CDH18: variants seen among roughly 807,000 people sequenced by gnomAD.
CDH18 encodes cadherin-18.
A neutral mutation model predicts 67.9 loss-of-function variants in CDH18; 31 were observed. That is an observed-to-expected ratio of 0.46 (90% CI 0.34 to 0.62). CDH18 has a LOEUF of 0.62. Ranked by LOEUF, CDH18 falls within the 20% of genes least tolerant of loss-of-function variation. CDH18 has a pLI of 0.01. For missense variants in CDH18, 890 were observed against 975.5 expected (o/e 0.91, Z 1.17); for synonymous variants, 362 against 347.2 (o/e 1.04, Z -0.48).
intron 2 of CDH18, among the ~76,000 whole-genome samples, chr5:20,196,750 C>A (rs865830139): frequency 4.6e-5 from 7 of 152,284 alleles, no homozygotes; most frequent in Admixed American, 1.3e-4. Flanking sequence ...TAGATAGCTA[C>A]ATTCCTATGT....
intron 6 of CDH18, among the ~76,000 whole-genome samples, chr5:19,603,682 T>C (rs1392338527): frequency 1.3e-5 from 2 of 151,382 alleles, no homozygotes; most frequent in Admixed American, 6.6e-5. Context: ...CCAAAATATA[T>C]AATTATCTTC....
intron 2 of CDH18, among the ~76,000 whole-genome samples, chr5:20,166,303 T>TGATGGC (rs751638766): frequency 6.6e-6 from 1 of 151,244 alleles, no homozygotes; most frequent in Non-Finnish European, 1.5e-5. Flanking sequence ...TAGCAGGGCT[T>TGATGGC]GATGGCGGGC....
intron 10 of CDH18, among the ~76,000 whole-genome samples, chr5:19,516,051 T>C (rs978051878): frequency 6.6e-6 from 1 of 152,186 alleles, no homozygotes; most frequent in Non-Finnish European, 1.5e-5. Context: ...GAGAGTTTTT[T>C]AGCATGAAGG....
chr5:19,753,889 A>G (rs1281427009), intron 3 of CDH18, among the ~76,000 whole-genome samples: 2 of 152,192 alleles, frequency 1.3e-5, no homozygotes, highest in Admixed American at 1.3e-4. Context: ...AGCATCATAT[A>G]TGAAAGAAAG....
intron 3 of CDH18, among the ~76,000 whole-genome samples, chr5:19,827,060 G>GA (rs2149975779): frequency 6.6e-6 from 1 of 151,764 alleles, no homozygotes; most frequent in Non-Finnish European, 1.5e-5. Context: ...ATGGCAAACA[G>GA]AAAAAAAGTG....
intron 1 of CDH18, among the ~76,000 whole-genome samples, chr5:20,404,448 C>T (rs989151835): frequency 6.6e-6 from 1 of 152,086 alleles, no homozygotes; most frequent in Non-Finnish European, 1.5e-5. Flanking sequence ...GTATGGAATT[C>T]TTCCTTTCAC....
At chr5:19,957,885 A>G (rs1796410208) in intron 2 of CDH18, among the ~76,000 whole-genome samples, 2 of 152,116 alleles carry the variant, frequency 1.3e-5, no homozygotes, top group Admixed American at 6.6e-5. Context: ...AAAATGTAAT[A>G]TGTAGATAAC....
intron 2 of CDH18, among the ~76,000 whole-genome samples, chr5:20,082,232 C>A (rs1427602431): frequency 6.6e-6 from 1 of 151,576 alleles, no homozygotes; most frequent in Admixed American, 6.6e-5. Context: ...TTATATAAGA[C>A]AATATTATTT....
intron 1 of CDH18, among the ~76,000 whole-genome samples, chr5:20,570,917 A>G (rs896534417): frequency 2.0e-5 from 3 of 152,224 alleles, no homozygotes; most frequent in Non-Finnish European, 2.9e-5. Flanking sequence ...GTAATTTTGT[A>G]GAGAAAACAA....
At chr5:19,650,083 C>T (rs1389874119) in intron 5 of CDH18, among the ~76,000 whole-genome samples, 1 of 151,820 alleles carries the variant, frequency 6.6e-6, no homozygotes, top group Non-Finnish European at 1.5e-5. Context: ...TAACAATATA[C>T]TAATATAATT....
At chr5:20,085,520 C>T (rs961023180) in intron 2 of CDH18, among the ~76,000 whole-genome samples, 3 of 152,158 alleles carry the variant, frequency 2.0e-5, no homozygotes, top group South Asian at 2.1e-4. Context: ...TTCAGCAATG[C>T]CCCGCTCTAC....
At chr5:20,228,710 G>T (rs959747287) in intron 2 of CDH18, among the ~76,000 whole-genome samples, 3 of 151,970 alleles carry the variant, frequency 2.0e-5, no homozygotes, top group African/African-American at 7.2e-5. Flanking sequence ...GAGATAATAT[G>T]GTATTTGTCT....
intron 4 of CDH18, 78 bp from the exon 5 acceptor site, chr5:19,721,544 G>A (rs1161570790): frequency 2.3e-6 from 3 of 1,324,682 alleles, no homozygotes; most frequent in Non-Finnish European, 3.2e-6. Context: ...AAATGGGTAT[G>A]CTGAAATAGC....
At chr5:20,484,156 G>T (rs950482141) in intron 1 of CDH18, among the ~76,000 whole-genome samples, 2 of 152,012 alleles carry the variant, frequency 1.3e-5, no homozygotes, top group Non-Finnish European at 2.9e-5. Flanking sequence ...ACCTACAAAT[G>T]TCCAGCAGAT....
intron 2 of CDH18, among the ~76,000 whole-genome samples, chr5:20,166,460 GAAAAGAAAAGAAAAAGAC>G (rs1736300820): frequency 7.5e-6 from 1 of 132,828 alleles, no homozygotes. Context: ...AAAAAGAAAA[GAAAAGAAAAGAAAAAGAC>G]AAAAGAAAAG....
At chr5:19,534,724 T>A (rs1012596974) in intron 9 of CDH18, among the ~76,000 whole-genome samples, 8 of 152,190 alleles carry the variant, frequency 5.3e-5, no homozygotes, top group African/African-American at 1.7e-4. Context: ...GGTATTCATA[T>A]CCTTGTATAA....
At chr5:20,508,779 T>G (rs1754821948) in intron 1 of CDH18, among the ~76,000 whole-genome samples, 1 of 152,058 alleles carries the variant, frequency 6.6e-6, no homozygotes, top group African/African-American at 2.4e-5. Flanking sequence ...AATATTTTGA[T>G]AATTAAAATT....
intron 3 of CDH18, among the ~76,000 whole-genome samples, chr5:19,757,937 T>C (rs758903959): frequency 7.9e-5 from 12 of 152,276 alleles, no homozygotes; most frequent in Non-Finnish European, 1.8e-4. Context: ...AGCTGTCCAC[T>C]TTTGGGTGGT....
chr5:20,033,052 C>A (rs1446060782), intron 2 of CDH18, among the ~76,000 whole-genome samples: 1 of 151,946 alleles, frequency 6.6e-6, no homozygotes, highest in African/African-American at 2.4e-5. Context: ...CAATATTTTC[C>A]TTGCATGTGA....
Sources: allele counts gnomAD v4.1 joint callset (sites outside exome capture counted in the v4.1 genomes callset), GRCh38; gene constraint gnomAD v4.1.1; transcripts MANE v1.5; gene names NCBI Gene and HGNC (gene_info 2026-07-23, HGNC 2026-07-21).